RNPS1: variants seen among roughly 807,000 people sequenced by gnomAD.
The protein encoded by RNPS1 is RNA binding protein with serine rich domain 1.
For missense variants in RNPS1, 300 were observed against 427.6 expected (o/e 0.70, Z 2.63); for synonymous variants, 147 against 150.0 (o/e 0.98, Z 0.15).
chr16:2,266,263 G>C lies in RNPS1; in HGVS notation c.-117-1503C>G. On this transcript the variant is annotated intron_variant, in intron 1 of 7. Transcript: ENST00000320225. ...CCTGGCTTTGAACAGTCAAATGAGA[G>C]CCAAGGAGGGCCGAACGCCACCTTT... 4.1e-6 allele frequency: 4 copies of C among 985,458 alleles called. No individual in the cohort carries two copies. The South Asian group carries it at 1.9e-4, about 46-fold the overall frequency. The allele number at this position is 985,458 out of a possible 1,614,324, so 61.0% of individuals were successfully genotyped here. A position where few individuals can be genotyped will look rare whatever the true frequency, so the allele number is the denominator to read the frequency against.
chr16:2,260,098 T>C (rs1222668015), intron 6 of RNPS1, among the ~76,000 whole-genome samples: 1 of 150,946 alleles, frequency 6.6e-6, no homozygotes, highest in Non-Finnish European at 1.5e-5. Context: ...TGTTTCTCTC[T>C]ACCTAATTTC....
chr16:2,264,145 C>T (rs987916432), intron 3 of RNPS1, 31 bp downstream of exon 3: 1 of 1,611,396 alleles, frequency 6.2e-7, no homozygotes. Flanking sequence ...TGGCACAGGT[C>T]CTCTCCAGGC....
chr16:2,253,734 G>C lies in RNPS1; in HGVS notation c.*230C>G, dbSNP rs375388999. 3 of 648,294 alleles carry C rather than the reference G, an allele frequency of 4.6e-6. No individual in the cohort carries two copies. The allele number at this position is 648,294 out of a possible 1,614,324, so 40.2% of individuals were successfully genotyped here. Reference sequence around the variant, plus strand: ...AACTGACTCTTAGAAACCGGAAACGGATGAGCTTTCTAGCCAGAAAACCGG... The same window carrying C: ...AACTGACTCTTAGAAACCGGAAACGCATGAGCTTTCTAGCCAGAAAACCGG... On this transcript the variant is annotated 3_prime_UTR_variant, in exon 8 of 8. Coordinates refer to ENST00000320225, the MANE Select transcript of RNPS1 (RefSeq NM_080594.4).
At chr16:2,264,525 C>A in intron 2 of RNPS1, 48 bp downstream of exon 2, 5 of 1,580,202 alleles carry the variant, frequency 3.2e-6, no homozygotes, top group Non-Finnish European at 4.3e-6. Context: ...GGGTCCCTAG[C>A]AGTAAGCACC....
chr16:2,259,279 T>G (rs1403535826), intron 6 of RNPS1, among the ~76,000 whole-genome samples: 1 of 152,216 alleles, frequency 6.6e-6, no homozygotes, highest in Non-Finnish European at 1.5e-5. Flanking sequence ...TAAATGTTAT[T>G]GATATGTGTC....
chr16:2,262,505 C>G (rs1008636619), intron 5 of RNPS1, 74 bp from the exon 6 acceptor site: 2 of 1,535,812 alleles, frequency 1.3e-6, no homozygotes, highest in Admixed American at 3.4e-5. Context: ...CTCAGCACAT[C>G]ATGACTAAAA....
chr16:2,268,009 G>A (rs1489284717), intron 1 of RNPS1, 46 bp downstream of exon 1: 1 of 1,533,604 alleles, frequency 6.5e-7, no homozygotes, highest in South Asian at 1.2e-5. Context: ...GGGCCTGCCG[G>A]GCAGCCCCCG....
intron 6 of RNPS1, chr16:2,256,978 T>A (rs1232998922): frequency 1.3e-5 from 2 of 151,696 alleles, no homozygotes; most frequent in African/African-American, 4.9e-5. Context: ...GACGGAGAGG[T>A]GGGGCTGCGG....
intron 6 of RNPS1, among the ~76,000 whole-genome samples, chr16:2,259,572 G>A (rs141871086): frequency 4.3e-4 from 65 of 152,224 alleles, no homozygotes; most frequent in African/African-American, 1.3e-3. Context: ...TCAGAATAAA[G>A]AAAAAACATT....
At chr16:2,264,449 A>C in intron 2 of RNPS1, 118 bp from the exon 3 acceptor site, 3 of 1,538,198 alleles carry the variant, frequency 2.0e-6, no homozygotes, top group Non-Finnish European at 2.7e-6. Context: ...ACCACAGAGC[A>C]AAGTGGTCTG....
rs2093617739 is a variant in RNPS1 at position 2,264,632 on chromosome 16, T to C, written c.12A>G (p.Ser4=). 6.2e-7 allele frequency: 1 copy of C among 1,612,834 alleles called. No individual in the cohort carries two copies. The highest frequency in any genetic ancestry group is 1.7e-5 in the Admixed American group (1 of 60,012). MDL[S]GVKKKSLLGV... is the part of the protein sequence containing the mutation. ...CTAGCAAGCTCTTCTTTTTCACTCCTGATAAATCCATTCTCCCCTTCTGAG... is the reference window on the plus strand; with the variant it reads ...CTAGCAAGCTCTTCTTTTTCACTCCCGATAAATCCATTCTCCCCTTCTGAG... Residue 4 remains serine (S), a synonymous_variant, in exon 2 of 8, where the codon TCA becomes TCG. Coordinates refer to ENST00000320225, the MANE Select transcript of RNPS1 (RefSeq NM_080594.4).
In RNPS1 at chr16:2,262,809, C is replaced by T. The variant is rs756420145; in HGVS notation, c.453G>A (p.Arg151=). 1.9e-6 allele frequency: 3 copies of T among 1,614,026 alleles called. No individual in the cohort carries two copies. The East Asian group carries it at 6.7e-5, about 36-fold the overall frequency. ...SKPPKRDEKE[R]KRRSPSPKPT... ...GCTTAGGAGATGGGCTCCGCCTTTT[C>T]CTCTCCTTTTCATCTCTTTTAGGTG... The change falls in exon 5 of 8, where the codon AGG becomes AGA. Residue 151 remains arginine (R), a synonymous_variant. Coordinates refer to ENST00000320225, the MANE Select transcript of RNPS1 (RefSeq NM_080594.4).
At chr16:2,261,786 G>A (rs927344706) in intron 6 of RNPS1, among the ~76,000 whole-genome samples, 1 of 152,172 alleles carries the variant, frequency 6.6e-6, no homozygotes, top group African/African-American at 2.4e-5. Context: ...CCAAACTGCT[G>A]TGATTTAGCA....
In RNPS1 at chr16:2,264,658, G is replaced by T; in HGVS notation, c.-15C>A. 1.2e-6 allele frequency: 2 copies of T among 1,610,838 alleles called. No individual in the cohort carries two copies. Among genetic ancestry groups the T allele is most frequent in the South Asian group, 2.2e-5 (2 of 91,014 alleles). On this transcript the variant is annotated 5_prime_UTR_variant, in exon 2 of 8. Coordinates refer to ENST00000320225, the MANE Select transcript of RNPS1 (RefSeq NM_080594.4). ...GATAAATCCATTCTCCCCTTCTGAG[G>T]TGTTCAAAGCAGCAATGGCGGCCTC...
intron 6 of RNPS1, chr16:2,257,163 G>A (rs962032293): frequency 1.3e-5 from 2 of 152,144 alleles, no homozygotes; most frequent in East Asian, 1.9e-4. Flanking sequence ...GGAAATAGAG[G>A]TGCAAACCCA....
chr16:2,264,485 G>GTTCTGCATTCTA, intron 2 of RNPS1, 88 bp downstream of exon 2: 1 of 1,535,524 alleles, frequency 6.5e-7, no homozygotes, highest in Non-Finnish European at 9.0e-7. Flanking sequence ...ACTGTAGAAT[G>GTTCTGCATTCTA]CAGAACATTC....
At position 2,266,346 on chromosome 16, in the gene RNPS1, C is replaced by T. The variant is rs1032704750; in HGVS notation, c.-117-1586G>A. 18 of 985,254 alleles carry T rather than the reference C, an allele frequency of 1.8e-5. No homozygotes were observed. In the African/African-American group the frequency reaches 3.1e-4, roughly 17 times the overall value. 61.0% of individuals were successfully genotyped at this position (985,254 alleles called of 1,614,324 possible). On this transcript the variant is annotated intron_variant, in intron 1 of 7. Coordinates refer to ENST00000320225, the MANE Select transcript of RNPS1 (RefSeq NM_080594.4). Reference sequence around the variant, plus strand: ...TTAGAACAGTAAGGTTCTGCAGACACCCAGCAGATAGTGCCTCGACACTCT... The same window carrying T: ...TTAGAACAGTAAGGTTCTGCAGACATCCAGCAGATAGTGCCTCGACACTCT...
intron 4 of RNPS1, 124 bp from the exon 5 acceptor site, chr16:2,262,966 A>T (rs1211680232): frequency 2.3e-6 from 3 of 1,309,488 alleles, no homozygotes; most frequent in Non-Finnish European, 1.1e-6. Flanking sequence ...CTGCTAGTTC[A>T]CATACATTAT....
intron 5 of RNPS1, 151 bp downstream of exon 5, chr16:2,262,589 T>A: frequency 1.1e-6 from 1 of 937,242 alleles, no homozygotes; most frequent in Non-Finnish European, 1.6e-6. Context: ...ACACATGTAT[T>A]AATGGTCCAC....
Sources: gnomAD v4.1 joint callset for allele counts (sites outside exome capture counted in the v4.1 genomes callset) on GRCh38, gnomAD v4.1.1 for gene constraint, MANE v1.5 for transcripts, NCBI Gene and HGNC (gene_info 2026-07-23, HGNC 2026-07-21) for gene names.